The following ZNF462 variants were observed in gnomAD, a reference collection of about 807,000 sequenced individuals.
ZNF462 encodes zinc finger PBX1-interacting protein.
Under a neutral mutation model 201.9 loss-of-function variants are expected in ZNF462, and 10 were observed. The ratio of observed to expected loss-of-function variants is 0.05; its 90% CI spans 0.03 to 0.08. The LOEUF is 0.08. ZNF462 is among the 10% of genes least tolerant of loss of function. ZNF462 has a pLI of 1.00. For synonymous variants in ZNF462, 1,227 were observed against 1,193.3 expected (o/e 1.03, Z -0.58); for missense variants, 2,523 against 3,168.3 (o/e 0.80, Z 4.89).
chr9:106,881,948 A>G (rs1235809102), intron 1 of ZNF462, among the ~76,000 whole-genome samples: 1 of 152,212 alleles, frequency 6.6e-6, no homozygotes, highest in Non-Finnish European at 1.5e-5. Context: ...TAACTCCTCT[A>G]TAGTAAACCT....
chr9:106,873,325 G>A (rs1360693226), intron 1 of ZNF462, among the ~76,000 whole-genome samples: 1 of 151,976 alleles, frequency 6.6e-6, no homozygotes, highest in Non-Finnish European at 1.5e-5. Flanking sequence ...ACCATGTAGG[G>A]GACACTTTAG....
intron 1 of ZNF462, among the ~76,000 whole-genome samples, chr9:106,911,300 A>G (rs1292391364): frequency 6.6e-6 from 1 of 152,192 alleles, no homozygotes; most frequent in Non-Finnish European, 1.5e-5. Flanking sequence ...CTCTTCAAGG[A>G]CTGTGTAGCT....
chr9:106,979,002 C>T lies in ZNF462; in HGVS notation c.6832+4729C>T, dbSNP rs1251670918. 6 of 227,090 alleles carry T rather than the reference C, an allele frequency of 2.6e-5. 1 individual carries two copies. Among genetic ancestry groups the T allele is most frequent in the East Asian group, 1.5e-4 (1 of 6,558 alleles). The allele number at this position is 227,090 out of a possible 1,614,324, so 14.1% of individuals were successfully genotyped here. On this transcript the variant is annotated intron_variant, in intron 9 of 12. Transcript: ENST00000277225. ...AGTGCAGATCTCCCTGTGGACTAGACACCCCAATTTGGCCATCTCCTTGAT... is the reference window on the plus strand; with the variant it reads ...AGTGCAGATCTCCCTGTGGACTAGATACCCCAATTTGGCCATCTCCTTGAT...
At position 106,974,609 on chromosome 9, in the gene ZNF462, A is replaced by C; in HGVS notation, c.6832+336A>C. Reference sequence around the variant, plus strand: ...ATAGAAGGAATGAACAAGAAACAAAATGGGTGGGTGAAAGCAAATGTGAAA... The same window carrying C: ...ATAGAAGGAATGAACAAGAAACAAACTGGGTGGGTGAAAGCAAATGTGAAA... On this transcript the variant is annotated intron_variant, in intron 9 of 12. Coordinates refer to ENST00000277225, the MANE Select transcript of ZNF462 (RefSeq NM_021224.6). This position sits in a 1 kb window ranked among gnomAD's most constrained non-coding sequence, Gnocchi z 4.0. 2.8e-6 allele frequency: 1 copy of C among 354,912 alleles called. No homozygotes were observed. Among genetic ancestry groups the C allele is most frequent in the Non-Finnish European group, 5.4e-6 (1 of 185,656 alleles). 22.0% of individuals were successfully genotyped at this position (354,912 alleles called of 1,614,324 possible).
At chr9:106,989,766 C>T (rs377275612) in intron 10 of ZNF462, among the ~76,000 whole-genome samples, 286 of 151,966 alleles carry the variant, frequency 1.9e-3, no homozygotes, top group African/African-American at 6.4e-3. Flanking sequence ...ATTTAGGCTA[C>T]GAGGGTTGTA....
intron 1 of ZNF462, among the ~76,000 whole-genome samples, chr9:106,875,824 A>G (rs1282783652): frequency 6.6e-6 from 1 of 152,204 alleles, no homozygotes; most frequent in African/African-American, 2.4e-5. Flanking sequence ...AATGCACTTG[A>G]AACTTGCACA....
At position 107,011,885 on chromosome 9, in the gene ZNF462, T is replaced by C. The variant is rs1564174604; in HGVS notation, c.*855T>C. On this transcript the variant is annotated 3_prime_UTR_variant, in exon 13 of 13. Transcript: ENST00000277225. This position sits in a 1 kb window ranked among gnomAD's most constrained non-coding sequence, Gnocchi z 5.6. The stretch of plus-strand genomic sequence containing the variant: ...TATAATTTAGAATTTGGTAGATTCA[T>C]GTGAGCTAATTTTAAGGTGATTGTG... 6.6e-6 allele frequency: 1 copy of C among 152,158 alleles called. No homozygotes were observed. Among genetic ancestry groups the C allele is most frequent in the Non-Finnish European group, 1.5e-5 (1 of 68,034 alleles). The allele number at this position is 152,158 out of a possible 1,614,324, so 9.4% of individuals were successfully genotyped here. A position where few individuals can be genotyped will look rare whatever the true frequency, so the allele number is the denominator to read the frequency against.
In ZNF462 at chr9:106,925,494, A is replaced by G. The variant is rs750536457; in HGVS notation, c.1582A>G (p.Arg528Gly). The change falls in exon 3 of 13, where the codon AGA (arginine) becomes GGA (glycine). Residue 528 changes from arginine (R) to glycine (G), a missense_variant. By Grantham distance (125) the Arg-to-Gly change is moderately radical. Around this residue, in one of 15 missense-constraint regions of ZNF462, gnomAD observed 383 missense variants for 453.4 expected, o/e 0.84. Transcript: ENST00000277225. This position sits in a 1 kb window ranked among gnomAD's most constrained non-coding sequence, Gnocchi z 7.9. ...TTATGAGAGCTCAAGCATCAATGGT[A>G]GAAAGTCAGGAGTCATGTTGGATCC... ...VSYESSSING[R>G]KSGVMLDPLQ... The G allele has an allele frequency of 9.9e-6, 16 of 1,614,148 alleles. 1 individual carries two copies. Among genetic ancestry groups the G allele is most frequent in the South Asian group, 5.5e-5 (5 of 91,084 alleles).
At chr9:106,867,626 C>T (rs78427305) in intron 1 of ZNF462, among the ~76,000 whole-genome samples, 1 of 150,144 alleles carries the variant, frequency 6.7e-6, no homozygotes, top group African/African-American at 2.4e-5. Context: ...TTCCGGAAGA[C>T]AGCAGAAGAA....
rs1367524333 is a variant in ZNF462 at position 106,863,238 on chromosome 9, A to T, written c.-148A>T. 5.0e-6 allele frequency: 2 copies of T among 399,014 alleles called. No individual in the cohort carries two copies. The highest frequency in any genetic ancestry group is 8.8e-6 in the Non-Finnish European group (2 of 226,262). The allele number at this position is 399,014 out of a possible 1,614,324, so 24.7% of individuals were successfully genotyped here. On this transcript the variant is annotated 5_prime_UTR_variant, in exon 1 of 13. Coordinates refer to ENST00000277225, the MANE Select transcript of ZNF462 (RefSeq NM_021224.6). ...CTGAGACCCGGCAGAAGCACATGAG[A>T]CTCCCAAACAACTTCCACAACAATA...
intron 6 of ZNF462, among the ~76,000 whole-genome samples, chr9:106,936,737 A>G (rs2131595184): frequency 6.6e-6 from 1 of 152,332 alleles, no homozygotes; most frequent in South Asian, 2.1e-4. Flanking sequence ...TTTTGCCCAT[A>G]GGCCTTAGCC....
rs1213221002 is a variant in ZNF462, at chr9:107,008,535, T to C, written c.7190-1010T>C. On this transcript the variant is annotated intron_variant, in intron 11 of 12. Coordinates refer to ENST00000277225, the MANE Select transcript of ZNF462 (RefSeq NM_021224.6). The surrounding 1 kb of genome is among the most constrained non-coding windows in gnomAD (Gnocchi z 4.8). ...AGATGATCAACACTTCCCTGTGCGATGCCCTCACTTTGCAACACGGCTGCA... is the reference window on the plus strand; with the variant it reads ...AGATGATCAACACTTCCCTGTGCGACGCCCTCACTTTGCAACACGGCTGCA... Among the ~76,000 whole-genome samples, 1 of 152,198 alleles carries C rather than the reference T, an allele frequency of 6.6e-6. No homozygotes were observed. Among genetic ancestry groups the C allele is most frequent in the Admixed American group, 6.5e-5 (1 of 15,276 alleles).
rs1004786506 is a variant in ZNF462 at position 107,005,956 on chromosome 9, G to A, written c.7189+2530G>A. ...GAAGAGACTGCCCTTTCCCCATTAT[G>A]TGTTCTTGGCACCTTTGTTGAAAAC... On this transcript the variant is annotated intron_variant, in intron 11 of 12. Transcript: ENST00000277225. This position sits in a 1 kb window ranked among gnomAD's most constrained non-coding sequence, Gnocchi z 4.4. Among the ~76,000 whole-genome samples, 1 of 152,070 alleles carries A rather than the reference G, an allele frequency of 6.6e-6. No homozygotes were observed. Among genetic ancestry groups the A allele is most frequent in the African/African-American group, 2.4e-5 (1 of 41,408 alleles).
chr9:106,944,999 C>T (rs537298378), intron 7 of ZNF462, among the ~76,000 whole-genome samples: 1 of 152,092 alleles, frequency 6.6e-6, no homozygotes, highest in South Asian at 2.1e-4. Context: ...TGTACAAAAA[C>T]AAAGGAAAGG....
At chr9:107,001,919 T>G (rs1829213293) in intron 10 of ZNF462, among the ~76,000 whole-genome samples, 1 of 152,144 alleles carries the variant, frequency 6.6e-6, no homozygotes, top group African/African-American at 2.4e-5. Flanking sequence ...AAAAGAGGTT[T>G]TTCCCTGAGT....
intron 9 of ZNF462, among the ~76,000 whole-genome samples, chr9:106,982,869 A>G (rs1037878331): frequency 2.2e-4 from 33 of 152,168 alleles, no homozygotes; most frequent in African/African-American, 8.0e-4. Flanking sequence ...CCAGCAACAA[A>G]GGGAGGACTC....
chr9:106,981,819 A>G lies in ZNF462; in HGVS notation c.6833-2367A>G, dbSNP rs1023313535. On this transcript the variant is annotated intron_variant, in intron 9 of 12. Coordinates refer to ENST00000277225, the MANE Select transcript of ZNF462 (RefSeq NM_021224.6). This position sits in a 1 kb window ranked among gnomAD's most constrained non-coding sequence, Gnocchi z 4.0. ...AAGACTGGAGAGTCACTGAATGACT[A>G]TCTTTGAGGCGTGTGGGACATCATT... Among the ~76,000 whole-genome samples the G allele has an allele frequency of 3.9e-5, 6 of 152,214 alleles. No homozygotes were observed. The highest frequency in any genetic ancestry group is 1.9e-4 in the East Asian group (1 of 5,198).
At chr9:106,873,562 T>C (rs1360178375) in intron 1 of ZNF462, among the ~76,000 whole-genome samples, 2 of 152,232 alleles carry the variant, frequency 1.3e-5, no homozygotes, top group African/African-American at 4.8e-5. Flanking sequence ...AGTTCTATTC[T>C]TTAATGGTCA....
At chr9:106,951,293 G>A (rs1238122656) in intron 7 of ZNF462, among the ~76,000 whole-genome samples, 2 of 151,968 alleles carry the variant, frequency 1.3e-5, no homozygotes, top group South Asian at 2.1e-4. Flanking sequence ...TCTAAATCAC[G>A]GCATGCCTAG....
Sources: gnomAD v4.1 joint callset for allele counts (sites outside exome capture counted in the v4.1 genomes callset) on GRCh38, gnomAD v4.1.1 for gene constraint, gnomAD v4.1.1 regional missense constraint, Gnocchi (gnomAD v3.1) non-coding constraint, MANE v1.5 for transcripts, NCBI Gene and HGNC (gene_info 2026-07-23, HGNC 2026-07-21) for gene names.